CSMD1: variants seen among roughly 807,000 people sequenced by gnomAD.
CSMD1 encodes the protein CUB and sushi domain-containing protein 1.
Under a neutral mutation model 417.5 loss-of-function variants are expected in CSMD1, and 213 were observed. The ratio of observed to expected loss-of-function variants is 0.51; its 90% confidence interval spans 0.46 to 0.57. The LOEUF (loss-of-function observed/expected upper bound fraction) is 0.57. Among genes scored for constraint, CSMD1 ranks in the 20% least tolerant of loss-of-function variants. The probability of loss-of-function intolerance (pLI) is 0.00; values close to 1 mark genes in which losing one functional copy is unlikely to be tolerated. For missense variants in CSMD1, 6,923 were observed against 4,529.7 expected (o/e 1.53, Z -15.17); for synonymous variants, 2,862 against 1,736.8 (o/e 1.65, Z -16.11).
chr8:3,629,480 C>G (rs1329412158), intron 7 of CSMD1, among the ~76,000 whole-genome samples: 1 of 152,098 alleles, frequency 6.6e-6, no homozygotes, highest in Non-Finnish European at 1.5e-5. Flanking sequence ...ACATGGAATA[C>G]ACAATACACC....
intron 2 of CSMD1, among the ~76,000 whole-genome samples, chr8:4,484,013 T>G (rs2130149583): frequency 6.6e-6 from 1 of 152,214 alleles, no homozygotes; most frequent in African/African-American, 2.4e-5. Flanking sequence ...CCATTGCCTG[T>G]TGGATGATAG....
chr8:4,851,898 A>T (rs1307233488), intron 1 of CSMD1, among the ~76,000 whole-genome samples: 1 of 152,208 alleles, frequency 6.6e-6, no homozygotes, highest in East Asian at 1.9e-4. Context: ...GAGAAAATTT[A>T]TACTCATTTG....
intron 2 of CSMD1, among the ~76,000 whole-genome samples, chr8:4,624,885 C>G (rs1264433611): frequency 2.0e-5 from 3 of 152,114 alleles, no homozygotes; most frequent in Admixed American, 6.6e-5. Flanking sequence ...GGGTGGTGGG[C>G]AGAGAAGGCA....
chr8:3,361,812 A>G (rs1242871922), intron 20 of CSMD1, among the ~76,000 whole-genome samples: 1 of 152,180 alleles, frequency 6.6e-6, no homozygotes, highest in Non-Finnish European at 1.5e-5. Flanking sequence ...AGTTTATACA[A>G]TATCCTCTGA....
chr8:3,496,013 T>G (rs764060695), intron 10 of CSMD1, among the ~76,000 whole-genome samples: 2 of 152,110 alleles, frequency 1.3e-5, no homozygotes, highest in Non-Finnish European at 2.9e-5. Flanking sequence ...ATCACCTAGG[T>G]ATTAAGCCCA....
Position 4,454,409 on chromosome 8 carries a change from G to C in CSMD1, c.303-34344C>G, listed in dbSNP as rs1652554. The stretch of plus-strand genomic sequence containing the variant: ...AAATTTGGCTCTGGTATACCTCTAG[G>C]AGATCTTCTTTGGATACCCTACCCT... On this transcript the variant is annotated intron_variant, in intron 2 of 69. Coordinates refer to ENST00000635120, the MANE Select transcript of CSMD1 (RefSeq NM_033225.6). Among the ~76,000 whole-genome samples, 1,085 of 152,242 alleles carry C rather than the reference G, an allele frequency of 7.1e-3. 12 individuals are homozygous for C. The highest frequency in any genetic ancestry group is 0.024 in the African/African-American group (977 of 41,534).
intron 3 of CSMD1, among the ~76,000 whole-genome samples, chr8:4,239,305 A>C (rs1256481972): frequency 6.6e-6 from 1 of 152,202 alleles, no homozygotes; most frequent in Non-Finnish European, 1.5e-5. Context: ...TTGTGTGGGC[A>C]ACACCAGTGC....
intron 42 of CSMD1, among the ~76,000 whole-genome samples, chr8:3,115,567 A>T (rs1394835000): frequency 2.6e-5 from 4 of 152,306 alleles, no homozygotes; most frequent in South Asian, 4.1e-4. Flanking sequence ...CTGACAGAAA[A>T]ATAATGTCTT....
At chr8:3,446,174 GAA>G (rs974145303) in intron 12 of CSMD1, among the ~76,000 whole-genome samples, 29 of 152,120 alleles carry the variant, frequency 1.9e-4, no homozygotes, top group Non-Finnish European at 2.9e-5. Flanking sequence ...GGGAGAAAAA[GAA>G]AAGAGGATGA....
In CSMD1 at chr8:4,441,095, G is replaced by GTTT. The variant is rs36000734; in HGVS notation, c.303-21033_303-21031dup. Among the ~76,000 whole-genome samples, 169 of 51,296 alleles carry GTTT rather than the reference G, an allele frequency of 3.3e-3. 44 individuals carry two copies. The highest frequency in any genetic ancestry group is 0.029 in the Middle Eastern group (1 of 34). The allele number at this position is 51,296 out of a possible 152,430, so 33.7% of individuals were successfully genotyped here. ...AATAATTTGACTCGTTAATCAAAAG[G>GTTT]TTTTTTTTTTTTTTTTTTTTTTTAA... On this transcript the variant is annotated intron_variant, in intron 2 of 69. Coordinates refer to ENST00000635120, the MANE Select transcript of CSMD1 (RefSeq NM_033225.6).
rs551490291 is a variant in CSMD1 at position 3,697,031 on chromosome 8, C to A, written c.1009+11383G>T. On this transcript the variant is annotated intron_variant, in intron 7 of 69. Transcript: ENST00000635120. Reference sequence around the variant, plus strand: ...GGGTTCTGGTGAATGTGGTCACATTCCTCTTCCATTGAGGGCAGACACAAG... The same window carrying A: ...GGGTTCTGGTGAATGTGGTCACATTACTCTTCCATTGAGGGCAGACACAAG... 2.1e-3 allele frequency among the ~76,000 whole-genome samples: 325 copies of A among 152,210 alleles called. 2 individuals are homozygous for A. The highest frequency in any genetic ancestry group is 7.6e-3 in the African/African-American group (314 of 41,546).
At chr8:4,060,598 G>C (rs947074998) in intron 3 of CSMD1, among the ~76,000 whole-genome samples, 1 of 152,136 alleles carries the variant, frequency 6.6e-6, no homozygotes, top group African/African-American at 2.4e-5. Context: ...CTGGGTTTCG[G>C]AACTGTCCCA....
intron 1 of CSMD1, among the ~76,000 whole-genome samples, chr8:4,762,453 TCA>T (rs1191121849): frequency 2.0e-5 from 3 of 152,210 alleles, no homozygotes; most frequent in African/African-American, 4.8e-5. Context: ...CTCAAGCATC[TCA>T]GTTATTTAAC....
At chr8:3,549,353 A>C (rs538889842) in intron 10 of CSMD1, among the ~76,000 whole-genome samples, 1 of 152,324 alleles carries the variant, frequency 6.6e-6, no homozygotes, top group East Asian at 1.9e-4. Context: ...TTCTAGGCCA[A>C]GTGGTCTCAG....
At chr8:4,683,438 A>G (rs1299690023) in intron 1 of CSMD1, among the ~76,000 whole-genome samples, 1 of 152,148 alleles carries the variant, frequency 6.6e-6, no homozygotes, top group Non-Finnish European at 1.5e-5. Context: ...TGAAGGACAC[A>G]CTTGATTAAG....
At chr8:3,283,319 G>A (rs1035422922) in intron 26 of CSMD1, among the ~76,000 whole-genome samples, 2 of 152,146 alleles carry the variant, frequency 1.3e-5, no homozygotes, top group Admixed American at 6.5e-5. Flanking sequence ...TAGGGAACCT[G>A]GAATCGGGGC....
intron 1 of CSMD1, among the ~76,000 whole-genome samples, chr8:4,727,271 C>A (rs1461058697): frequency 6.6e-6 from 1 of 152,144 alleles, no homozygotes; most frequent in Non-Finnish European, 1.5e-5. Context: ...CAGTTAATGT[C>A]TACCGGTGAA....
intron 15 of CSMD1, among the ~76,000 whole-genome samples, chr8:3,401,603 T>G (rs1029547666): frequency 6.6e-6 from 1 of 152,198 alleles, no homozygotes; most frequent in African/African-American, 2.4e-5. Flanking sequence ...CTAACAGCCC[T>G]GCAACTGTAG....
intron 4 of CSMD1, among the ~76,000 whole-genome samples, chr8:4,028,253 ATTAGC>A (rs1300077854): frequency 6.6e-6 from 1 of 152,208 alleles, no homozygotes; most frequent in Non-Finnish European, 1.5e-5. Context: ...TCTAACATCT[ATTAGC>A]ACAAATACCT....
Sources: gnomAD v4.1 joint callset for allele counts (sites outside exome capture counted in the v4.1 genomes callset) on GRCh38, gnomAD v4.1.1 for gene constraint, MANE v1.5 for transcripts, NCBI Gene and HGNC (gene_info 2026-07-23, HGNC 2026-07-21) for gene names.